MDN1: variants seen among roughly 807,000 people sequenced by gnomAD.
MDN1 encodes midasin AAA ATPase 1.
MDN1 carries 266 observed loss-of-function variants against 669.2 expected under a neutral mutation model. The observed-to-expected ratio is 0.40, with a 90% CI of 0.36 to 0.44. The LOEUF is 0.44. MDN1 is among the 20% of genes least tolerant of loss of function. The pLI is 1.00. For missense variants in MDN1, 5,940 were observed against 6,754.0 expected (o/e 0.88, Z 4.22); for synonymous variants, 2,385 against 2,457.1 (o/e 0.97, Z 0.87).
chr6:89,648,270 C>A lies in MDN1; in HGVS notation c.16266G>T (p.Gln5422His), dbSNP rs1808612690. 6.2e-7 allele frequency: 1 copy of A among 1,614,040 alleles called. No homozygotes were observed. Among genetic ancestry groups the A allele is most frequent in the Admixed American group, 1.7e-5 (1 of 60,010 alleles). Residue 5422 changes from glutamine (Q) to histidine (H), a missense_variant, in exon 98 of 102, where the codon CAG (glutamine) becomes CAT (histidine). Physicochemically the swap from Gln to His is conservative, Grantham distance 24. Transcript: ENST00000369393. ...AGCAACCTTACCTACACACTGCAATCTGACCCACTTCCAGGAGGGTTAGAG... is the reference window on the plus strand; with the variant it reads ...AGCAACCTTACCTACACACTGCAATATGACCCACTTCCAGGAGGGTTAGAG... ...GNALTLLEVG[Q>H]IAVCSFGESV...
At chr6:89,682,718 A>C (rs1322602390) in intron 73 of MDN1, among the ~76,000 whole-genome samples, 6 of 147,170 alleles carry the variant, frequency 4.1e-5, no homozygotes, top group African/African-American at 7.5e-5. Context: ...AAAAAAAAAA[A>C]AAAAAAAAAC....
At chr6:89,761,410 C>T (rs992608861) in intron 17 of MDN1, among the ~76,000 whole-genome samples, 3 of 152,044 alleles carry the variant, frequency 2.0e-5, no homozygotes, top group African/African-American at 7.2e-5. Flanking sequence ...CCCTTTTGTA[C>T]CCCATGAATA....
In MDN1 at chr6:89,710,690, T is replaced by C. The variant is rs1313819314; in HGVS notation, c.7756A>G (p.Asn2586Asp). The C allele has an allele frequency of 6.4e-7, 1 of 1,571,160 alleles. No homozygotes were observed. The highest frequency in any genetic ancestry group is 1.4e-5 in the African/African-American group (1 of 72,700). The change falls in exon 50 of 102, where the codon AAT becomes GAT. Residue 2586 changes from asparagine to aspartate, a missense_variant. Coordinates refer to ENST00000369393, the MANE Select transcript of MDN1 (RefSeq NM_014611.3). ...VSNVFKILQPNTTDEFVIPLD... is the reference protein window; with the variant it reads ...VSNVFKILQPDTTDEFVIPLD... ...AATCAAAAGTGCATACCTGTTGTAT[T>C]TGGTTGTAATATTTTGAAAACATTA...
At chr6:89,679,640 T>C (rs1811461826) in intron 74 of MDN1, among the ~76,000 whole-genome samples, 1 of 152,106 alleles carries the variant, frequency 6.6e-6, no homozygotes, top group Admixed American at 6.5e-5. Flanking sequence ...AGTGAGAAGG[T>C]GGCCATCTGC....
chr6:89,699,668 C>A lies in MDN1; in HGVS notation c.8930G>T (p.Cys2977Phe). 6.2e-7 allele frequency: 1 copy of A among 1,613,788 alleles called. No individual in the cohort carries two copies. Among genetic ancestry groups the A allele is most frequent in the South Asian group, 1.1e-5 (1 of 91,054 alleles). ...AGGTGTAACAGGTGTGTGATAAAGA[C>A]AAAATGAGATGAGGTGACTTATCTC... ...NEEISHLISF[C>F]LYHTPVTPQE... is the part of the protein sequence containing the mutation. The change falls in exon 58 of 102, where the codon TGT (cysteine) becomes TTT (phenylalanine). Residue 2977 changes from cysteine (C) to phenylalanine (F), a missense_variant. Around this residue, in one of 5 missense-constraint regions of MDN1, gnomAD observed 2,292 missense variants for 2,638.3 expected, o/e 0.87. Coordinates refer to ENST00000369393, the MANE Select transcript of MDN1 (RefSeq NM_014611.3).
chr6:89,776,719 GCTGA>G, intron 11 of MDN1, 24 bp from the exon 12 acceptor site: 3 of 1,471,892 alleles, frequency 2.0e-6, no homozygotes, highest in Non-Finnish European at 2.8e-6. Context: ...CAAGGTAAAT[GCTGA>G]CTGATTTTTA....
chr6:89,721,008 T>C (rs1412300500), intron 40 of MDN1, among the ~76,000 whole-genome samples: 1 of 152,170 alleles, frequency 6.6e-6, no homozygotes, highest in Non-Finnish European at 1.5e-5. Flanking sequence ...CTTGGTGGCA[T>C]GTGCCTATAG....
chr6:89,772,468 G>T, intron 14 of MDN1, 105 bp downstream of exon 14: 5 of 1,262,104 alleles, frequency 4.0e-6, no homozygotes, highest in South Asian at 1.6e-5. Flanking sequence ...TGGGGTGCTG[G>T]CACTCTTTAA....
chr6:89,777,673 C>G (rs886569987), intron 11 of MDN1, among the ~76,000 whole-genome samples: 2 of 152,152 alleles, frequency 1.3e-5, no homozygotes, highest in African/African-American at 4.8e-5. Context: ...GATAACACCA[C>G]TATCGTAGAA....
chr6:89,655,537 T>C (rs1212898273), intron 92 of MDN1, among the ~76,000 whole-genome samples: 1 of 152,212 alleles, frequency 6.6e-6, no homozygotes, highest in Non-Finnish European at 1.5e-5. Flanking sequence ...CAAACTGTAT[T>C]TCTGCACATT....
At chr6:89,652,893 C>T in intron 94 of MDN1, 99 bp downstream of exon 94, 1 of 1,261,402 alleles carries the variant, frequency 7.9e-7, no homozygotes, top group Non-Finnish European at 1.1e-6. Context: ...ACCAGATGTT[C>T]CATAAAGTTC....
Position 89,685,986 on chromosome 6 carries a change from A to C in MDN1, c.11573-13T>G. 6.2e-7 allele frequency: 1 copy of C among 1,609,726 alleles called. No individual in the cohort carries two copies. Among genetic ancestry groups the C allele is most frequent in the Non-Finnish European group, 8.5e-7 (1 of 1,178,696 alleles). On this transcript the variant is annotated splice_polypyrimidine_tract_variant and intron_variant, in intron 69 of 101. Coordinates refer to ENST00000369393, the MANE Select transcript of MDN1 (RefSeq NM_014611.3). ...ATCTGTTTGTCATCTTTAAAAATTC[A>C]AAGAGAAAAATATATATGTTCCTTC...
chr6:89,723,791 T>C (rs918864770), intron 38 of MDN1, among the ~76,000 whole-genome samples, 172 bp from the exon 39 acceptor site: 1 of 152,196 alleles, frequency 6.6e-6, no homozygotes, highest in Non-Finnish European at 1.5e-5. Flanking sequence ...TAAAGAATCA[T>C]AAAATCTTCT....
At chr6:89,766,290 C>G (rs1390121159) in intron 15 of MDN1, among the ~76,000 whole-genome samples, 1 of 151,122 alleles carries the variant, frequency 6.6e-6, no homozygotes, top group Non-Finnish European at 1.5e-5. Context: ...CAGAGTTAGA[C>G]TCCATCTCAA....
Position 89,754,160 on chromosome 6 carries a change from T to C in MDN1, c.2887A>G (p.Ser963Gly), listed in dbSNP as rs1817109933. 6.2e-7 allele frequency: 1 copy of C among 1,614,028 alleles called. No homozygotes were observed. Among genetic ancestry groups the C allele is most frequent in the South Asian group, 1.1e-5 (1 of 91,080 alleles). The change falls in exon 21 of 102, where the codon AGC (serine) becomes GGC (glycine). Residue 963 changes from serine (S) to glycine (G), a missense_variant. Coordinates refer to ENST00000369393, the MANE Select transcript of MDN1 (RefSeq NM_014611.3). ...VDGTGHRPHY[S>G]LRTLCRALRF... ...AGGGCCCGGCACAGAGTCCGAAGGC[T>C]GTAGTGAGGTCTATGGCCAGTGCCA...
At chr6:89,771,266 G>A (rs1048036890) in intron 15 of MDN1, among the ~76,000 whole-genome samples, 1 of 152,056 alleles carries the variant, frequency 6.6e-6, no homozygotes, top group African/African-American at 2.4e-5. Context: ...GAAGAAGCAC[G>A]TTATCAAACT....
chr6:89,730,704 A>AT, intron 35 of MDN1, 22 bp downstream of exon 35: 1 of 1,596,002 alleles, frequency 6.3e-7, no homozygotes, highest in Non-Finnish European at 8.5e-7. Context: ...AGGAAAATTC[A>AT]TTTTTTAAAA....
At chr6:89,714,828 G>C in intron 45 of MDN1, 77 bp from the exon 46 acceptor site, 1 of 1,209,678 alleles carries the variant, frequency 8.3e-7, no homozygotes, top group South Asian at 1.5e-5. Context: ...GCATCAGTCA[G>C]TGAGGGCAAA....
chr6:89,781,427 T>G lies in MDN1; in HGVS notation c.1615A>C (p.Thr539Pro). The G allele has an allele frequency of 6.2e-7, 1 of 1,613,972 alleles. No individual in the cohort carries two copies. The highest frequency in any genetic ancestry group is 8.5e-7 in the Non-Finnish European group (1 of 1,179,962). ...SEARRENKRP[T>P]LEGRELSLRD... ...AGAGATAATTCTCTTCCCTCAAGGGTTGGTCTTTTGTTTTCTCTTCTGGCT... is the reference window on the plus strand; with the variant it reads ...AGAGATAATTCTCTTCCCTCAAGGGGTGGTCTTTTGTTTTCTCTTCTGGCT... The change falls in exon 10 of 102, where the codon ACC becomes CCC. Residue 539 changes from threonine to proline, a missense_variant. By Grantham distance (38) the Thr-to-Pro change is conservative. Around this residue, in one of 5 missense-constraint regions of MDN1, gnomAD observed 1,203 missense variants for 1,268.9 expected, o/e 0.95. Coordinates refer to ENST00000369393, the MANE Select transcript of MDN1 (RefSeq NM_014611.3).
Sources: gnomAD v4.1 joint callset for allele counts (sites outside exome capture counted in the v4.1 genomes callset) on GRCh38, gnomAD v4.1.1 for gene constraint, gnomAD v4.1.1 regional missense constraint, MANE v1.5 for transcripts, NCBI Gene and HGNC (gene_info 2026-07-23, HGNC 2026-07-21) for gene names.